Variants in SYK observed in about 807,000 individuals in gnomAD.
SYK encodes tyrosine-protein kinase SYK.
In SYK, 16 loss-of-function variants were observed where a neutral mutation model predicts 77.8. The observed-to-expected ratio is 0.21, with a 90% CI of 0.14 to 0.31. The LOEUF (loss-of-function observed/expected upper bound fraction) is 0.31. Among genes scored for constraint, SYK ranks in the 10% least tolerant of loss-of-function variants. The pLI, the probability that SYK is intolerant of heterozygous loss-of-function variation, is 1.00. For synonymous variants in SYK, 312 were observed against 308.7 expected (o/e 1.01, Z -0.11); for missense variants, 529 against 814.4 (o/e 0.65, Z 4.26).
At position 90,830,114 on chromosome 9, in the gene SYK, T is replaced by C. The variant is rs139258265; in HGVS notation, c.-41-13744T>C. ...TCACTTTGTGTTTCTGAATTGTGTA[T>C]CTCTATATACTAAGAAGTCCCCCAT... is the stretch of plus-strand genomic sequence containing the variant. On this transcript the variant is annotated intron_variant, in intron 1 of 13. Coordinates refer to ENST00000375754, the MANE Select transcript of SYK (RefSeq NM_003177.7). Among the ~76,000 whole-genome samples the C allele has an allele frequency of 2.9e-4, 44 of 152,380 alleles. 1 individual carries two copies. The East Asian group carries it at 8.1e-3, about 28-fold the overall frequency.
chr9:90,841,146 T>C (rs566657135), intron 1 of SYK, among the ~76,000 whole-genome samples: 1 of 149,524 alleles, frequency 6.7e-6, no homozygotes, highest in African/African-American at 2.5e-5. Flanking sequence ...GTAGTGTGCA[T>C]GTAGTGATGT....
At chr9:90,807,425 G>T (rs1377466960) in intron 1 of SYK, among the ~76,000 whole-genome samples, 2 of 152,162 alleles carry the variant, frequency 1.3e-5, no homozygotes, top group African/African-American at 4.8e-5. Flanking sequence ...GGCCCCACTG[G>T]GTTCAAGTCC....
chr9:90,867,982 C>T (rs1438103988), intron 7 of SYK, among the ~76,000 whole-genome samples: 1 of 151,944 alleles, frequency 6.6e-6, no homozygotes, highest in African/African-American at 2.4e-5. Flanking sequence ...TTTTTATTTT[C>T]ATATTACTTG....
chr9:90,853,181 A>T (rs1452349180), intron 3 of SYK, among the ~76,000 whole-genome samples: 1 of 149,462 alleles, frequency 6.7e-6, no homozygotes. Flanking sequence ...CTTGGATAGG[A>T]GGAGGGACAA....
rs918512165 is a variant in SYK at position 90,862,227 on chromosome 9, C to T, written c.600C>T (p.Asn200=). The change falls in exon 4 of 14, where the codon AAC becomes AAT. Residue 200 remains asparagine (N), a synonymous_variant. Transcript: ENST00000375754. The stretch of plus-strand genomic sequence containing the variant: ...CTAGGATCCGAGCCAGAGACAACAA[C>T]GGCTCCTACGCCCTGTGCCTGCTGC... ...GKFLIRARDN[N]GSYALCLLHE... 1.2e-6 allele frequency: 2 copies of T among 1,612,904 alleles called. No homozygotes were observed. Among genetic ancestry groups the T allele is most frequent in the African/African-American group, 1.3e-5 (1 of 75,002 alleles).
chr9:90,848,768 C>T (rs912661857), intron 3 of SYK, among the ~76,000 whole-genome samples: 3 of 152,228 alleles, frequency 2.0e-5, no homozygotes, highest in Admixed American at 2.0e-4. Flanking sequence ...AGCACCTGCC[C>T]TCATGGACCC....
At chr9:90,862,063 C>T (rs1827285498) in intron 3 of SYK, 143 bp from the exon 4 acceptor site, 3 of 1,112,774 alleles carry the variant, frequency 2.7e-6, no homozygotes, top group Non-Finnish European at 3.7e-6. Context: ...CCCTGAGGCT[C>T]CAAACTCTGC....
At chr9:90,888,007 A>G (rs1228678217) in intron 12 of SYK, 118 bp downstream of exon 12, 3 of 1,334,754 alleles carry the variant, frequency 2.2e-6, no homozygotes, top group Non-Finnish European at 3.0e-6. Flanking sequence ...TTTACCAGTA[A>G]GCAGTTAATG....
chr9:90,832,779 C>G (rs539215146), intron 1 of SYK, among the ~76,000 whole-genome samples: 2 of 152,204 alleles, frequency 1.3e-5, no homozygotes, highest in Non-Finnish European at 2.9e-5. Context: ...TGCTACATAA[C>G]AGATCACTCT....
In SYK at chr9:90,864,632, T is replaced by C. The variant is rs754907386; in HGVS notation, c.761T>C (p.Val254Ala). 3.1e-6 allele frequency: 5 copies of C among 1,613,994 alleles called. No homozygotes were observed. Among genetic ancestry groups the C allele is most frequent in the Non-Finnish European group, 3.4e-6 (4 of 1,180,014 alleles). Residue 254 changes from valine to alanine, a missense_variant, in exon 5 of 14, where the codon GTT becomes GCT. Val to Ala is a moderately conservative substitution (Grantham distance 64, BLOSUM62 0). Transcript: ENST00000375754. ...TATAAAGCAGATGGTTTGTTAAGAG[T>C]TCTTACTGTCCCATGTCAAAAAATC... ...YSYKADGLLRVLTVPCQKIGT... is the reference protein window; with the variant it reads ...YSYKADGLLRALTVPCQKIGT...
chr9:90,895,440 C>A lies in SYK; in HGVS notation c.1836-88C>A. The A allele has an allele frequency of 7.1e-7, 1 of 1,404,062 alleles. No individual in the cohort carries two copies. The highest frequency in any genetic ancestry group is 1.0e-6 in the Non-Finnish European group (1 of 999,458). The allele number at this position is 1,404,062 out of a possible 1,614,324, so 87.0% of individuals were successfully genotyped here. A position where few individuals can be genotyped will look rare whatever the true frequency, so the allele number is the denominator to read the frequency against. ...AGTTAGCCACCAGGGAGCAGCACCACTGGTACTCAGCCTGCAGAGGCCCTG... is the reference window on the plus strand; with the variant it reads ...AGTTAGCCACCAGGGAGCAGCACCAATGGTACTCAGCCTGCAGAGGCCCTG... On this transcript the variant is annotated intron_variant, in intron 13 of 13. Transcript: ENST00000375754. This position sits in a 1 kb window ranked among gnomAD's most constrained non-coding sequence, Gnocchi z 4.4.
At chr9:90,820,294 T>C (rs944523920) in intron 1 of SYK, among the ~76,000 whole-genome samples, 2 of 152,234 alleles carry the variant, frequency 1.3e-5, no homozygotes, top group African/African-American at 4.8e-5. Flanking sequence ...AGTGCCCCAG[T>C]AGGGACTCTG....
intron 1 of SYK, among the ~76,000 whole-genome samples, chr9:90,806,262 G>A (rs1322366824): frequency 6.6e-6 from 1 of 151,926 alleles, no homozygotes; most frequent in Non-Finnish European, 1.5e-5. Flanking sequence ...GTAATCTCAC[G>A]GTTCCATTTT....
rs147918634 is a variant in SYK at position 90,853,724 on chromosome 9, G to A, written c.578+8130G>A. ...CATCACACTCTGGGGACTGTTGTGGGGTGGGAGGAGCGGGGAGGGATAGCT... is the reference window on the plus strand; with the variant it reads ...CATCACACTCTGGGGACTGTTGTGGAGTGGGAGGAGCGGGGAGGGATAGCT... On this transcript the variant is annotated intron_variant, in intron 3 of 13. Coordinates refer to ENST00000375754, the MANE Select transcript of SYK (RefSeq NM_003177.7). 2.0e-5 allele frequency among the ~76,000 whole-genome samples: 3 copies of A among 152,232 alleles called. No homozygotes were observed. In the East Asian group the frequency reaches 5.8e-4, roughly 29 times the overall value.
intron 3 of SYK, among the ~76,000 whole-genome samples, chr9:90,853,186 G>A (rs1826884670): frequency 6.7e-6 from 1 of 148,828 alleles, no homozygotes; most frequent in African/African-American, 2.5e-5. Flanking sequence ...ATAGGAGGAG[G>A]GACAACATGG....
intron 6 of SYK, 64 bp downstream of exon 6, chr9:90,865,161 G>A (rs1827435972): frequency 6.6e-7 from 1 of 1,513,430 alleles, no homozygotes; most frequent in Admixed American, 1.7e-5. Context: ...TGAAAAGCAT[G>A]TTTTAGCTAA....
At chr9:90,812,425 T>C (rs1825116799) in intron 1 of SYK, among the ~76,000 whole-genome samples, 1 of 152,194 alleles carries the variant, frequency 6.6e-6, no homozygotes, top group Non-Finnish European at 1.5e-5. Context: ...GTCTCAAACA[T>C]GCTTGCACCC....
intron 1 of SYK, among the ~76,000 whole-genome samples, chr9:90,815,926 A>G (rs1825274876): frequency 6.6e-6 from 1 of 152,210 alleles, no homozygotes; most frequent in Non-Finnish European, 1.5e-5. Context: ...ATCTGGCTGT[A>G]TGCTAAGCTC....
At chr9:90,812,569 C>A (rs1373375863) in intron 1 of SYK, among the ~76,000 whole-genome samples, 1 of 152,200 alleles carries the variant, frequency 6.6e-6, no homozygotes, top group Non-Finnish European at 1.5e-5. Flanking sequence ...AGATTGAGGA[C>A]CACCATTTGA....
Sources: gnomAD v4.1 joint callset for allele counts (sites outside exome capture counted in the v4.1 genomes callset) on GRCh38, gnomAD v4.1.1 for gene constraint, Gnocchi (gnomAD v3.1) non-coding constraint, MANE v1.5 for transcripts, NCBI Gene and HGNC (gene_info 2026-07-23, HGNC 2026-07-21) for gene names.